MPP7: variants seen among roughly 807,000 people sequenced by gnomAD.
MPP7 encodes the protein MAGUK p55 scaffold protein 7.
A neutral mutation model predicts 76.5 loss-of-function variants in MPP7; 60 were observed. The ratio of observed to expected loss-of-function variants is 0.78; its 90% CI spans 0.64 to 0.97. MPP7 has a LOEUF of 0.97. MPP7 is among the 50% of genes least tolerant of loss of function. The pLI is 0.00. For missense variants in MPP7, 641 were observed against 694.0 expected (o/e 0.92, Z 0.86); for synonymous variants, 237 against 244.5 (o/e 0.97, Z 0.29).
chr10:28,158,593 T>C (rs1459395570), intron 3 of MPP7, among the ~76,000 whole-genome samples: 1 of 151,806 alleles, frequency 6.6e-6, no homozygotes, highest in African/African-American at 2.4e-5. Flanking sequence ...CTAATCAAGG[T>C]GACAAGGGAA....
chr10:28,134,219 T>C (rs773244292), intron 5 of MPP7, among the ~76,000 whole-genome samples: 2 of 152,258 alleles, frequency 1.3e-5, no homozygotes, highest in Middle Eastern at 3.4e-3. Flanking sequence ...CCATTCCAAG[T>C]GTATAGCGGT....
intron 3 of MPP7, among the ~76,000 whole-genome samples, chr10:28,154,172 GT>G (rs1835972968): frequency 6.6e-6 from 1 of 152,136 alleles, no homozygotes; most frequent in East Asian, 1.9e-4. Flanking sequence ...TCCATGGATG[GT>G]TACAAACTCT....
intron 6 of MPP7, among the ~76,000 whole-genome samples, chr10:28,126,130 C>T (rs953512569): frequency 2.6e-5 from 4 of 152,126 alleles, no homozygotes; most frequent in African/African-American, 9.7e-5. Context: ...CTATCAGATA[C>T]ATAGCCAATA....
chr10:28,166,400 A>AT (rs34887665), intron 3 of MPP7, among the ~76,000 whole-genome samples: 14,227 of 93,270 alleles, frequency 0.15, 553 homozygotes, highest in East Asian at 0.36. Context: ...TTACCTTTTA[A>AT]TTTTTTTTTT....
intron 2 of MPP7, among the ~76,000 whole-genome samples, chr10:28,234,447 G>C (rs1223243992): frequency 1.3e-5 from 2 of 152,152 alleles, no homozygotes; most frequent in South Asian, 2.1e-4. Context: ...ACATGCTACT[G>C]TAAGTGTGGG....
chr10:28,083,514 T>C (rs1445597476), intron 12 of MPP7, among the ~76,000 whole-genome samples: 3 of 150,954 alleles, frequency 2.0e-5, no homozygotes, highest in African/African-American at 7.3e-5. Flanking sequence ...TATACCATGC[T>C]TACATGATTT....
chr10:28,189,265 T>C (rs1032235521), intron 3 of MPP7, among the ~76,000 whole-genome samples: 1 of 151,996 alleles, frequency 6.6e-6, no homozygotes, highest in Non-Finnish European at 1.5e-5. Flanking sequence ...GACAGTGTTA[T>C]CTGAAAATAG....
intron 2 of MPP7, among the ~76,000 whole-genome samples, chr10:28,225,909 C>T (rs1163382076): frequency 6.6e-6 from 1 of 152,134 alleles, no homozygotes; most frequent in Non-Finnish European, 1.5e-5. Context: ...GCATCTAAAT[C>T]AAGGACTCAA....
intron 1 of MPP7, among the ~76,000 whole-genome samples, chr10:28,270,844 C>T (rs570707907): frequency 2.0e-5 from 3 of 152,192 alleles, no homozygotes; most frequent in Admixed American, 2.0e-4. Flanking sequence ...GACCACGGTT[C>T]TTTGAAATAG....
intron 5 of MPP7, among the ~76,000 whole-genome samples, chr10:28,144,482 C>G (rs1184350683): frequency 6.6e-6 from 1 of 152,176 alleles, no homozygotes; most frequent in Non-Finnish European, 1.5e-5. Flanking sequence ...CTCCCCAGCT[C>G]CAAACTCTCA....
chr10:28,290,303 T>G (rs998850959), intron 1 of MPP7, among the ~76,000 whole-genome samples: 1 of 151,080 alleles, frequency 6.6e-6, no homozygotes, highest in Non-Finnish European at 1.5e-5. Flanking sequence ...TTTTTTTTTT[T>G]TTAACATAGA....
chr10:28,093,363 T>C (rs933517658), intron 11 of MPP7, among the ~76,000 whole-genome samples: 1 of 151,928 alleles, frequency 6.6e-6, no homozygotes, highest in Admixed American at 6.6e-5. Context: ...AAATTTCTGA[T>C]GAGCAAATCA....
intron 12 of MPP7, among the ~76,000 whole-genome samples, chr10:28,078,653 T>C (rs990978899): frequency 6.6e-5 from 10 of 152,196 alleles, no homozygotes; most frequent in African/African-American, 2.4e-4. Context: ...TAAAACCATG[T>C]TGGAAAGGAA....
At chr10:28,168,301 C>T (rs987468679) in intron 3 of MPP7, among the ~76,000 whole-genome samples, 4 of 152,122 alleles carry the variant, frequency 2.6e-5, no homozygotes, top group Non-Finnish European at 2.9e-5. Context: ...CCCGTTTTCT[C>T]TTAAATTGTT....
intron 1 of MPP7, among the ~76,000 whole-genome samples, chr10:28,276,881 C>T (rs1407709318): frequency 6.6e-6 from 1 of 152,012 alleles, no homozygotes; most frequent in Non-Finnish European, 1.5e-5. Context: ...TAGGACTTGA[C>T]ACATATTCTC....
chr10:28,153,251 C>T (rs1389337029), intron 3 of MPP7, among the ~76,000 whole-genome samples: 1 of 151,884 alleles, frequency 6.6e-6, no homozygotes, highest in East Asian at 1.9e-4. Flanking sequence ...GAGACTCCAT[C>T]TCAAAAAAGA....
chr10:28,181,266 G>A (rs1243027273), intron 3 of MPP7, among the ~76,000 whole-genome samples: 4 of 152,140 alleles, frequency 2.6e-5, no homozygotes, highest in Non-Finnish European at 5.9e-5. Context: ...ATCTAATTCA[G>A]TAATTTCCTT....
rs556309383 is a variant in MPP7 at position 28,230,175 on chromosome 10, T to C, written c.37+8393A>G. Among the ~76,000 whole-genome samples, 12 of 152,182 alleles carry C rather than the reference T, an allele frequency of 7.9e-5. No individual in the cohort carries two copies. In the South Asian group the frequency reaches 8.3e-4, roughly 11 times the overall value. ...AGACATAGGGGAAAAATGAAAATGA[T>C]AGAAATATTCTAATCAGTCCAAAGA... On this transcript the variant is annotated intron_variant, in intron 2 of 16. Transcript: ENST00000683449.
intron 2 of MPP7, among the ~76,000 whole-genome samples, chr10:28,214,933 T>C (rs887181647): frequency 3.3e-5 from 5 of 152,112 alleles, no homozygotes; most frequent in African/African-American, 7.2e-5. Context: ...AACATCACTA[T>C]TGAAAAATCT....
Sources: gnomAD v4.1 joint callset for allele counts (sites outside exome capture counted in the v4.1 genomes callset) on GRCh38, gnomAD v4.1.1 for gene constraint, MANE v1.5 for transcripts, NCBI Gene and HGNC (gene_info 2026-07-23, HGNC 2026-07-21) for gene names.